Variants in BMERB1 observed in about 807,000 individuals in gnomAD.
BMERB1 encodes the protein bMERB domain containing 1.
Under a neutral mutation model 23.6 loss-of-function variants are expected in BMERB1, and 12 were observed. That is an observed-to-expected ratio of 0.51 (90% CI 0.33 to 0.82). BMERB1 has a LOEUF of 0.82. BMERB1 is among the 40% of genes least tolerant of loss of function. BMERB1 has a pLI of 0.03. For missense variants in BMERB1, 247 were observed against 255.4 expected (o/e 0.97, Z 0.22); for synonymous variants, 122 against 96.6 (o/e 1.26, Z -1.54).
intron 2 of BMERB1, among the ~76,000 whole-genome samples, chr16:15,539,177 T>C (rs2052055451): frequency 6.6e-6 from 1 of 152,042 alleles, no homozygotes; most frequent in African/African-American, 2.4e-5. Flanking sequence ...CTGTGGGCGA[T>C]GGGAGAGAGT....
At position 15,453,033 on chromosome 16, in the gene BMERB1, G is replaced by A. The variant is rs141566678; in HGVS notation, c.106+18274G>A. Among the ~76,000 whole-genome samples, 538 of 152,210 alleles carry A rather than the reference G, an allele frequency of 3.5e-3. 4 individuals are homozygous for A. Among genetic ancestry groups the A allele is most frequent in the African/African-American group, 0.012 (509 of 41,540 alleles). On this transcript the variant is annotated intron_variant, in intron 1 of 5. Coordinates refer to ENST00000300006, the MANE Select transcript of BMERB1 (RefSeq NM_033201.3). ...ACAACAACAACAAAAATAGCTGGGCGTGGTGGCAGGTGCCTGTAATCCCAG... is the reference window on the plus strand; with the variant it reads ...ACAACAACAACAAAAATAGCTGGGCATGGTGGCAGGTGCCTGTAATCCCAG...
In BMERB1 at chr16:15,448,655, G is replaced by C. The variant is rs566336332; in HGVS notation, c.106+13896G>C. ...AAAAATATAAAAATTAGCTGGGCAT[G>C]GTGGTGCAAGCCTGTAATTCCAGCT... On this transcript the variant is annotated intron_variant, in intron 1 of 5. Transcript: ENST00000300006. Among the ~76,000 whole-genome samples the C allele has an allele frequency of 2.0e-5, 3 of 152,304 alleles. No homozygotes were observed. The East Asian group carries it at 5.8e-4, about 29-fold the overall frequency.
intron 1 of BMERB1, among the ~76,000 whole-genome samples, chr16:15,473,294 T>C (rs934464341): frequency 2.0e-5 from 3 of 151,786 alleles, no homozygotes; most frequent in African/African-American, 7.3e-5. Flanking sequence ...AGCCTTTTTT[T>C]TTTTTTTTGA....
chr16:15,557,910 T>G lies in BMERB1; in HGVS notation c.231-10073T>G, dbSNP rs557525774. On this transcript the variant is annotated intron_variant, in intron 2 of 5. Coordinates refer to ENST00000300006, the MANE Select transcript of BMERB1 (RefSeq NM_033201.3). ...AAATACAAAAATTAGCCAGGCTTGG[T>G]GGTGGATGCCTGTAATCCCAGCTAC... Among the ~76,000 whole-genome samples, 364 of 152,102 alleles carry G rather than the reference T, an allele frequency of 2.4e-3. 3 individuals carry two copies. The highest frequency in any genetic ancestry group is 8.1e-3 in the African/African-American group (337 of 41,500).
chr16:15,565,391 C>G (rs1237814405), intron 2 of BMERB1, among the ~76,000 whole-genome samples: 1 of 152,216 alleles, frequency 6.6e-6, no homozygotes, highest in Non-Finnish European at 1.5e-5. Context: ...AGCTGACCCA[C>G]TACATCCCTT....
intron 3 of BMERB1, among the ~76,000 whole-genome samples, chr16:15,571,798 G>C (rs1425249645): frequency 6.6e-6 from 1 of 151,788 alleles, no homozygotes; most frequent in East Asian, 1.9e-4. Context: ...ATAAATCATC[G>C]TCCCTCCGCC....
intron 2 of BMERB1, among the ~76,000 whole-genome samples, chr16:15,540,526 A>AAAT (rs924312270): frequency 2.2e-4 from 34 of 152,212 alleles, no homozygotes; most frequent in African/African-American, 3.4e-4. Flanking sequence ...ACCCTGTCTC[A>AAAT]AATAATAATA....
intron 1 of BMERB1, among the ~76,000 whole-genome samples, chr16:15,496,141 G>A (rs2051471078): frequency 6.8e-6 from 1 of 146,714 alleles, no homozygotes; most frequent in East Asian, 1.9e-4. Context: ...AGTGATAATG[G>A]TGACGATGAC....
At chr16:15,541,468 C>A (rs2052079364) in intron 2 of BMERB1, among the ~76,000 whole-genome samples, 1 of 148,564 alleles carries the variant, frequency 6.7e-6, no homozygotes, top group South Asian at 2.2e-4. Context: ...CACTCTGTCA[C>A]CCAGGCTGGA....
rs567339760 is a variant in BMERB1 at position 15,528,489 on chromosome 16, A to G, written c.230+13061A>G. Reference sequence around the variant, plus strand: ...AGAATTTGTTAGCATGATAAAGCCCATGAGATCTTGCTGGATCTGCTCACA... The same window carrying G: ...AGAATTTGTTAGCATGATAAAGCCCGTGAGATCTTGCTGGATCTGCTCACA... On this transcript the variant is annotated intron_variant, in intron 2 of 5. Transcript: ENST00000300006. Among the ~76,000 whole-genome samples, 5 of 152,244 alleles carry G rather than the reference A, an allele frequency of 3.3e-5. No individual in the cohort carries two copies. In the South Asian group the frequency reaches 6.2e-4, roughly 19 times the overall value.
intron 1 of BMERB1, among the ~76,000 whole-genome samples, chr16:15,468,132 CTTCTT>C (rs2051198094): frequency 6.2e-5 from 3 of 48,142 alleles, no homozygotes; most frequent in African/African-American, 6.3e-5. Flanking sequence ...TTTCTTTCTT[CTTCTT>C]TTTTTTTTTT....
chr16:15,539,623 C>G (rs2052059289), intron 2 of BMERB1, among the ~76,000 whole-genome samples: 1 of 152,002 alleles, frequency 6.6e-6, no homozygotes, highest in Admixed American at 6.6e-5. Context: ...GTGGGAGGAT[C>G]ATGAGGTCAA....
At chr16:15,436,099 T>C (rs2050885701) in intron 1 of BMERB1, among the ~76,000 whole-genome samples, 1 of 152,108 alleles carries the variant, frequency 6.6e-6, no homozygotes, top group African/African-American at 2.4e-5. Context: ...ACATGAGATA[T>C]TTTGATACAG....
intron 1 of BMERB1, among the ~76,000 whole-genome samples, chr16:15,447,516 C>T (rs984151045): frequency 2.0e-5 from 3 of 152,064 alleles, no homozygotes; most frequent in Non-Finnish European, 2.9e-5. Context: ...ACAGCCAAAC[C>T]GTATCAAAGG....
At chr16:15,575,879 G>T (rs2030845065) in intron 3 of BMERB1, among the ~76,000 whole-genome samples, 1 of 151,966 alleles carries the variant, frequency 6.6e-6, no homozygotes, top group African/African-American at 2.4e-5. Context: ...ACACAGAAAA[G>T]GAGGAGGGTT....
intron 1 of BMERB1, among the ~76,000 whole-genome samples, chr16:15,450,284 T>C (rs2150923848): frequency 6.6e-6 from 1 of 152,198 alleles, no homozygotes; most frequent in South Asian, 2.1e-4. Context: ...ATTATTCTTT[T>C]GATGTTTTCC....
intron 2 of BMERB1, among the ~76,000 whole-genome samples, chr16:15,551,295 T>C (rs1233696754): frequency 6.6e-6 from 1 of 152,172 alleles, no homozygotes; most frequent in African/African-American, 2.4e-5. Flanking sequence ...CCTTCCTTCC[T>C]TGTGTATTTA....
At chr16:15,448,343 C>T (rs1447138159) in intron 1 of BMERB1, among the ~76,000 whole-genome samples, 1 of 152,088 alleles carries the variant, frequency 6.6e-6, no homozygotes. Flanking sequence ...CTGGAGTCTG[C>T]AGGAGCAGTG....
chr16:15,551,246 A>G (rs1159503658), intron 2 of BMERB1, among the ~76,000 whole-genome samples: 1 of 152,144 alleles, frequency 6.6e-6, no homozygotes, highest in Non-Finnish European at 1.5e-5. Flanking sequence ...GTTTCAACAA[A>G]ATGCAGTACT....
Sources: gnomAD v4.1 joint callset for allele counts (sites outside exome capture counted in the v4.1 genomes callset) on GRCh38, gnomAD v4.1.1 for gene constraint, MANE v1.5 for transcripts, NCBI Gene and HGNC (gene_info 2026-07-23, HGNC 2026-07-21) for gene names.